Variants in FAM185A observed in about 807,000 individuals in gnomAD.
The protein encoded by FAM185A is family with sequence similarity 185 member A.
FAM185A carries 21 observed loss-of-function variants against 45.7 expected under a neutral mutation model. The ratio of observed to expected loss-of-function variants is 0.46; its 90% CI spans 0.33 to 0.66. FAM185A has a LOEUF of 0.66. Ranked by LOEUF, FAM185A falls within the 30% of genes least tolerant of loss-of-function variation. The pLI, the probability that FAM185A is intolerant of heterozygous loss-of-function variation, is 0.03. For synonymous variants in FAM185A, 117 were observed against 194.0 expected, an observed-to-expected ratio of 0.60 and a Z score of 3.30; for missense variants, 305 against 485.4, an observed-to-expected ratio of 0.63 and a Z score of 3.49.
intron 3 of FAM185A, among the ~76,000 whole-genome samples, chr7:102,758,460 A>AG (rs1793917247): frequency 2.2e-5 from 1 of 45,504 alleles, no homozygotes; most frequent in Non-Finnish European, 4.0e-5. Context: ...TTTTTTTTTT[A>AG]TAGTAGCTAT....
In FAM185A at chr7:102,793,900, G is replaced by A. The variant is rs1050033231; in HGVS notation, c.1066+6431G>A. Among the ~76,000 whole-genome samples, 10 of 151,856 alleles carry A rather than the reference G, an allele frequency of 6.6e-5. No individual in the cohort carries two copies. In the South Asian group the frequency reaches 1.0e-3, roughly 16 times the overall value. ...CTAAACATACAAAAATTAGCTGGGC[G>A]TGGTGGCGGGTGCCTGAAATCCCAG... On this transcript the variant is annotated intron_variant, in intron 7 of 7. Coordinates refer to ENST00000413034, the MANE Select transcript of FAM185A (RefSeq NM_001145268.2).
At chr7:102,804,127 C>T (rs1796960154) in intron 7 of FAM185A, among the ~76,000 whole-genome samples, 1 of 152,120 alleles carries the variant, frequency 6.6e-6, no homozygotes, top group South Asian at 2.1e-4. Flanking sequence ...TCTACAAATT[C>T]AACACAATCC....
At chr7:102,754,511 A>G (rs1264557099) in intron 2 of FAM185A, among the ~76,000 whole-genome samples, 11 of 152,294 alleles carry the variant, frequency 7.2e-5, no homozygotes, top group Non-Finnish European at 1.2e-4. Context: ...AGCAATAATA[A>G]TAACTACTGT....
chr7:102,826,552 A>G, the FAM185A span, among the ~76,000 whole-genome samples: 1 of 151,076 alleles, frequency 6.6e-6, no homozygotes, highest in African/African-American at 2.4e-5. Context: ...CCTGGGCAAC[A>G]TGGTGAAACC....
rs200430332 is a variant in FAM185A, at chr7:102,801,921, C to CA, written c.1067-6354dup. On this transcript the variant is annotated intron_variant, in intron 7 of 7. Transcript: ENST00000413034. The stretch of plus-strand genomic sequence containing the variant: ...TGGGCCACAGAGGGAGACTACGTCT[C>CA]AAAAAAAAAAAAAAATACAAAGAAG... Among the ~76,000 whole-genome samples, 557 of 125,170 alleles carry CA rather than the reference C, an allele frequency of 4.4e-3. 1 individual carries two copies. Among genetic ancestry groups the CA allele is most frequent in the East Asian group, 7.1e-3 (32 of 4,500 alleles). The allele number at this position is 125,170 out of a possible 152,430, so 82.1% of individuals were successfully genotyped here. A position where few individuals can be genotyped will look rare whatever the true frequency, so the allele number is the denominator to read the frequency against.
rs180986362 is a variant in FAM185A at position 102,800,535 on chromosome 7, A to G, written c.1067-7755A>G. Among the ~76,000 whole-genome samples the G allele has an allele frequency of 2.0e-5, 3 of 152,352 alleles. No individual in the cohort carries two copies. The East Asian group carries it at 5.8e-4, about 29-fold the overall frequency. ...AAGGGAGAAATATTCAATGAAATAG[A>G]TAGCATAAATAAAAACAATAAAAAC... On this transcript the variant is annotated intron_variant, in intron 7 of 7. Coordinates refer to ENST00000413034, the MANE Select transcript of FAM185A (RefSeq NM_001145268.2).
At chr7:102,801,605 A>G (rs1012642994) in intron 7 of FAM185A, among the ~76,000 whole-genome samples, 1 of 152,172 alleles carries the variant, frequency 6.6e-6, no homozygotes, top group African/African-American at 2.4e-5. Context: ...CAGAAAAACT[A>G]ACTTGAAAGC....
intron 6 of FAM185A, among the ~76,000 whole-genome samples, chr7:102,778,309 A>G (rs1271334707): frequency 6.6e-6 from 1 of 152,250 alleles, no homozygotes; most frequent in African/African-American, 2.4e-5. Flanking sequence ...TCTCCCTTTA[A>G]AATAGGATAA....
At chr7:102,833,436 CTT>C in the FAM185A span, among the ~76,000 whole-genome samples, 57 of 134,564 alleles carry the variant, frequency 4.2e-4, no homozygotes, top group African/African-American at 1.1e-3. Flanking sequence ...AGCCTGTTTC[CTT>C]TTTTTTTTTT....
chr7:102,776,702 T>TAAAAAAAAAAA (rs72022042), intron 5 of FAM185A, among the ~76,000 whole-genome samples: 1 of 97,096 alleles, frequency 1.0e-5, no homozygotes, highest in Non-Finnish European at 2.1e-5. Flanking sequence ...ACCCTGTCTC[T>TAAAAAAAAAAA]AAAAAAAAAA....
chr7:102,780,065 A>T (rs1795312198), intron 6 of FAM185A, among the ~76,000 whole-genome samples: 1 of 150,728 alleles, frequency 6.6e-6, no homozygotes, highest in South Asian at 2.1e-4. Flanking sequence ...TTGTTCCCTA[A>T]TTTTTTTTTA....
intron 5 of FAM185A, 35 bp from the exon 6 acceptor site, chr7:102,777,218 G>C (rs1795123204): frequency 1.3e-6 from 2 of 1,549,220 alleles, no homozygotes; most frequent in Non-Finnish European, 1.7e-6. Flanking sequence ...TATCAAGTAA[G>C]AATTATTTTA....
the FAM185A span, among the ~76,000 whole-genome samples, chr7:102,825,681 A>T: frequency 1.3e-5 from 2 of 152,322 alleles, no homozygotes; most frequent in African/African-American, 4.8e-5. Context: ...GACCAGTTTC[A>T]CTGACCCCCT....
chr7:102,784,640 T>C (rs1463346914), intron 6 of FAM185A, among the ~76,000 whole-genome samples: 15 of 152,160 alleles, frequency 9.9e-5, no homozygotes, highest in Admixed American at 9.8e-4. Context: ...CAACGCTTCA[T>C]GCTAAAAACT....
intron 4 of FAM185A, among the ~76,000 whole-genome samples, chr7:102,767,184 C>A (rs1247895419): frequency 7.0e-6 from 1 of 143,830 alleles, no homozygotes; most frequent in Admixed American, 6.9e-5. Context: ...AGGGTTTAGA[C>A]CTCTGACACA....
the FAM185A span, among the ~76,000 whole-genome samples, chr7:102,843,081 G>A: frequency 3.3e-5 from 5 of 152,196 alleles, no homozygotes; most frequent in Non-Finnish European, 7.4e-5. Context: ...TTTTAAAATC[G>A]AAAGTTTATA....
the FAM185A span, among the ~76,000 whole-genome samples, chr7:102,832,627 A>G: frequency 6.6e-6 from 1 of 152,226 alleles, no homozygotes; most frequent in African/African-American, 2.4e-5. Context: ...TTATATTTGT[A>G]TGAGAATTAT....
intron 7 of FAM185A, among the ~76,000 whole-genome samples, chr7:102,789,920 A>T (rs1417664800): frequency 1.3e-5 from 2 of 152,200 alleles, no homozygotes; most frequent in East Asian, 1.9e-4. Context: ...CTAGGCTTTT[A>T]CTGGGTAAAG....
chr7:102,806,584 G>A (rs1274190571), intron 7 of FAM185A, among the ~76,000 whole-genome samples: 2 of 151,924 alleles, frequency 1.3e-5, no homozygotes, highest in Non-Finnish European at 2.9e-5. Context: ...TTAAATTTTT[G>A]TGCTTGAGAA....
Sources: allele counts gnomAD v4.1 joint callset (sites outside exome capture counted in the v4.1 genomes callset), GRCh38; gene constraint gnomAD v4.1.1; transcripts MANE v1.5; gene names NCBI Gene and HGNC (gene_info 2026-07-23, HGNC 2026-07-21).